SRPK2: variants seen among roughly 807,000 people sequenced by gnomAD.
SRPK2 encodes the protein SFRS protein kinase 2.
In SRPK2, 21 loss-of-function variants were observed where a neutral mutation model predicts 90.8. The ratio of observed to expected loss-of-function variants is 0.23; its 90% confidence interval spans 0.16 to 0.33. The LOEUF is 0.33. Among genes scored for constraint, SRPK2 ranks in the 10% least tolerant of loss-of-function variants. The pLI is 1.00. For missense variants in SRPK2, 620 were observed against 869.0 expected (o/e 0.71, Z 3.60); for synonymous variants, 288 against 311.1 (o/e 0.93, Z 0.78).
At chr7:105,345,477 CAAAT>C (rs1278564729) in intron 2 of SRPK2, among the ~76,000 whole-genome samples, 2 of 151,876 alleles carry the variant, frequency 1.3e-5, no homozygotes. Context: ...AAAAACTAAA[CAAAT>C]GAATAATATG....
intron 2 of SRPK2, 138 bp downstream of exon 2, chr7:105,388,510 G>T: frequency 4.1e-6 from 2 of 484,482 alleles, no homozygotes; most frequent in Non-Finnish European, 6.0e-6. Flanking sequence ...CCCGCCGGGG[G>T]CAGGAGCCGA....
At chr7:105,277,797 A>G (rs1806718706) in intron 2 of SRPK2, among the ~76,000 whole-genome samples, 1 of 152,256 alleles carries the variant, frequency 6.6e-6, no homozygotes, top group African/African-American at 2.4e-5. Context: ...TCTCTCATTA[A>G]TAATCACACA....
intron 7 of SRPK2, among the ~76,000 whole-genome samples, chr7:105,150,832 G>A (rs1422642465): frequency 1.3e-5 from 2 of 152,016 alleles, no homozygotes; most frequent in Admixed American, 6.6e-5. Context: ...ATTGTATTTC[G>A]GTATCAAATA....
At chr7:105,343,593 A>G (rs997724164) in intron 2 of SRPK2, among the ~76,000 whole-genome samples, 2 of 152,180 alleles carry the variant, frequency 1.3e-5, no homozygotes, top group African/African-American at 4.8e-5. Flanking sequence ...TTAGCAAAGA[A>G]CCCTTGTTCA....
At chr7:105,361,407 A>AT (rs1818409317) in intron 2 of SRPK2, among the ~76,000 whole-genome samples, 1 of 152,212 alleles carries the variant, frequency 6.6e-6, no homozygotes, top group Non-Finnish European at 1.5e-5. Context: ...GCCCAAGGTA[A>AT]TTTATAGATT....
At position 105,132,803 on chromosome 7, in the gene SRPK2, G is replaced by A; in HGVS notation, c.1740C>T (p.Ser580=). The change falls in exon 13 of 16, where the codon AGC becomes AGT. Residue 580 remains serine (S), a synonymous_variant. Transcript: ENST00000393651. ...CAGCCGTCCTTACCATACACGCCGT[G>A]CTCCAGATGTCCGCAGGGGTGCTGT... The part of the protein sequence containing the change: ...AGYSTPADIW[S]TACMAFELAT... 1 of 1,608,396 alleles carries A rather than the reference G, an allele frequency of 6.2e-7. No homozygotes were observed. The highest frequency in any genetic ancestry group is 8.5e-7 in the Non-Finnish European group (1 of 1,176,978).
chr7:105,281,464 T>C lies in SRPK2; in HGVS notation c.72-77679A>G, dbSNP rs368581836. 3.3e-5 allele frequency among the ~76,000 whole-genome samples: 5 copies of C among 152,234 alleles called. No homozygotes were observed. The South Asian group carries it at 8.3e-4, about 25-fold the overall frequency. On this transcript the variant is annotated intron_variant, in intron 2 of 15. Transcript: ENST00000393651. ...CCTAATAATTTCCATTTAACATGCA[T>C]AGAAACTAAAAGTTAAATTTGCTCA...
chr7:105,321,846 T>C (rs1812975081), intron 2 of SRPK2, among the ~76,000 whole-genome samples: 1 of 152,204 alleles, frequency 6.6e-6, no homozygotes, highest in Non-Finnish European at 1.5e-5. Context: ...TGTACACTGC[T>C]GGTGGGAATA....
Position 105,224,753 on chromosome 7 carries a change from A to T in SRPK2, c.72-20968T>A, listed in dbSNP as rs80176980. ...ACTTAGAATTCTAAATTAAACTCCA[A>T]ACTGTCAGTTAAAATACATCATGAA... On this transcript the variant is annotated intron_variant, in intron 2 of 15. Coordinates refer to ENST00000393651, the MANE Select transcript of SRPK2 (RefSeq NM_182692.3). 2.8e-3 allele frequency among the ~76,000 whole-genome samples: 427 copies of T among 152,280 alleles called. 11 individuals carry two copies. The East Asian group carries it at 0.055, about 20-fold the overall frequency.
chr7:105,232,193 G>A (rs753852674), intron 2 of SRPK2, among the ~76,000 whole-genome samples: 6 of 152,224 alleles, frequency 3.9e-5, no homozygotes, highest in South Asian at 4.1e-4. Flanking sequence ...CAGGCCGGGC[G>A]CGGTGGCTCA....
rs541194614 is a variant in SRPK2 at position 105,287,171 on chromosome 7, G to T, written c.72-83386C>A. Among the ~76,000 whole-genome samples the T allele has an allele frequency of 2.9e-3, 423 of 146,442 alleles. 1 individual carries two copies. The highest frequency in any genetic ancestry group is 4.8e-3 in the Non-Finnish European group (323 of 67,040). ...AGCTACTTGGGAGGCTGAGGCAGGAGAATGGCGTGAACCCGGGAGGCGGAG... is the reference window on the plus strand; with the variant it reads ...AGCTACTTGGGAGGCTGAGGCAGGATAATGGCGTGAACCCGGGAGGCGGAG... On this transcript the variant is annotated intron_variant, in intron 2 of 15. Transcript: ENST00000393651.
intron 2 of SRPK2, among the ~76,000 whole-genome samples, chr7:105,364,769 G>A (rs1818842896): frequency 6.6e-6 from 1 of 152,128 alleles, no homozygotes; most frequent in Admixed American, 6.6e-5. Flanking sequence ...TTGGGGGCAA[G>A]TAAACTACTT....
At chr7:105,387,732 C>G (rs1000531040) in intron 2 of SRPK2, among the ~76,000 whole-genome samples, 1 of 152,136 alleles carries the variant, frequency 6.6e-6, no homozygotes, top group East Asian at 1.9e-4. Context: ...AAGAGCGAAG[C>G]AATTAATCTA....
chr7:105,127,205 T>C, intron 13 of SRPK2, 143 bp from the exon 14 acceptor site: 1 of 658,836 alleles, frequency 1.5e-6, no homozygotes, highest in South Asian at 2.2e-5. Context: ...ATACTAATTT[T>C]TTTCTTTCTT....
At chr7:105,290,335 T>C (rs1222258468) in intron 2 of SRPK2, among the ~76,000 whole-genome samples, 2 of 147,850 alleles carry the variant, frequency 1.4e-5, no homozygotes, top group Non-Finnish European at 1.5e-5. Flanking sequence ...ACAAAAAATA[T>C]ATATAAAAAA....
chr7:105,272,309 T>G (rs1178026532), intron 2 of SRPK2, among the ~76,000 whole-genome samples: 1 of 152,202 alleles, frequency 6.6e-6, no homozygotes, highest in Non-Finnish European at 1.5e-5. Flanking sequence ...TCCTTCTACA[T>G]CTCAGCCTTT....
intron 2 of SRPK2, among the ~76,000 whole-genome samples, chr7:105,245,646 A>G (rs1305734473): frequency 6.6e-6 from 1 of 152,166 alleles, no homozygotes; most frequent in East Asian, 1.9e-4. Context: ...CTAGTGACCA[A>G]CTAGATACAG....
intron 4 of SRPK2, among the ~76,000 whole-genome samples, chr7:105,168,745 A>ATGTGAGTGTGTGTGTGTGTGTG (rs1790414567): frequency 9.6e-6 from 1 of 104,008 alleles, no homozygotes; most frequent in African/African-American, 3.2e-5. Context: ...CACGCACCAA[A>ATGTGAGTGTGTGTGTGTGTGTG]TGTGTGTGTG....
intron 2 of SRPK2, among the ~76,000 whole-genome samples, chr7:105,326,532 G>A (rs1813615185): frequency 6.6e-6 from 1 of 152,078 alleles, no homozygotes; most frequent in African/African-American, 2.4e-5. Flanking sequence ...ATCATGACTG[G>A]CCTTCTAAAT....
Sources: gnomAD v4.1 joint callset for allele counts (sites outside exome capture counted in the v4.1 genomes callset) on GRCh38, gnomAD v4.1.1 for gene constraint, MANE v1.5 for transcripts, NCBI Gene and HGNC (gene_info 2026-07-23, HGNC 2026-07-21) for gene names.